Variants in ARMC2 observed in about 807,000 individuals in gnomAD.
ARMC2 encodes the protein armadillo repeat containing 2.
ARMC2 carries 67 observed loss-of-function variants against 90.3 expected under a neutral mutation model. The observed-to-expected ratio is 0.74, with a 90% confidence interval of 0.61 to 0.91. The LOEUF (loss-of-function observed/expected upper bound fraction) is 0.91, where lower values mean the gene tolerates loss of function less well. ARMC2 is among the 40% of genes least tolerant of loss of function. ARMC2 has a pLI of 0.00. For synonymous variants in ARMC2, 393 were observed against 393.0 expected (o/e 1.00, Z 0.00); for missense variants, 920 against 1,030.9 (o/e 0.89, Z 1.47).
At chr6:108,971,877 C>T (rs558873138) in intron 17 of ARMC2, among the ~76,000 whole-genome samples, 1 of 150,220 alleles carries the variant, frequency 6.7e-6, no homozygotes, top group East Asian at 2.0e-4. Flanking sequence ...GCCGAGACTG[C>T]GCCACTGCAC....
the ARMC2 span, chr6:109,002,362 C>T: frequency 6.2e-7 from 1 of 1,603,760 alleles, no homozygotes; most frequent in Non-Finnish European, 8.5e-7. Context: ...GAAAATTACA[C>T]CATCTCAGGC....
At chr6:108,989,213 G>A in the ARMC2 span, among the ~76,000 whole-genome samples, 1 of 152,088 alleles carries the variant, frequency 6.6e-6, no homozygotes, top group Non-Finnish European at 1.5e-5. Context: ...ATATTGGCCA[G>A]GCTAGTCTAA....
chr6:108,964,229 C>T lies in ARMC2; in HGVS notation c.2202C>T (p.Cys734=), dbSNP rs767213727. 3 of 1,613,960 alleles carry T rather than the reference C, an allele frequency of 1.9e-6. No individual in the cohort carries two copies. Among genetic ancestry groups the T allele is most frequent in the South Asian group, 1.1e-5 (1 of 91,078 alleles). The part of the protein sequence containing the change: ...ALLDAQHQDI[C]FSACGVLLNL... ...TGGATGCTCAGCATCAGGATATCTG[C>T]TTTTCTGCCTGTGGTGTTCTCCTCA... The change falls in exon 16 of 18, where the codon TGC becomes TGT. Residue 734 remains cysteine, a synonymous_variant. Transcript: ENST00000392644.
intron 9 of ARMC2, among the ~76,000 whole-genome samples, chr6:108,911,379 CTG>C (rs1773407826): frequency 2.0e-5 from 3 of 152,110 alleles, no homozygotes; most frequent in Non-Finnish European, 2.9e-5. Context: ...ACATCTATAA[CTG>C]TTATAGAAAC....
At chr6:108,958,498 C>T (rs150128946) in intron 13 of ARMC2, among the ~76,000 whole-genome samples, 5 of 152,262 alleles carry the variant, frequency 3.3e-5, no homozygotes, top group Non-Finnish European at 7.4e-5. Flanking sequence ...CCATTCCTGC[C>T]GCCCAAATGT....
At chr6:108,878,343 C>G (rs1237057634) in intron 5 of ARMC2, among the ~76,000 whole-genome samples, 1 of 151,998 alleles carries the variant, frequency 6.6e-6, no homozygotes, top group Non-Finnish European at 1.5e-5. Flanking sequence ...CTGGCAGGAG[C>G]AGGGAGGGTT....
chr6:109,051,198 T>C, the ARMC2 span, among the ~76,000 whole-genome samples: 6 of 152,120 alleles, frequency 3.9e-5, no homozygotes, highest in African/African-American at 1.4e-4. Context: ...AGTTTCATGA[T>C]GGTTTAAAAC....
At chr6:109,036,611 T>C in the ARMC2 span, among the ~76,000 whole-genome samples, 8 of 152,214 alleles carry the variant, frequency 5.3e-5, no homozygotes, top group African/African-American at 2.4e-5. Context: ...TACACTATAA[T>C]ATGATATGAT....
At chr6:108,892,132 A>G (rs1771137397) in intron 5 of ARMC2, among the ~76,000 whole-genome samples, 1 of 152,146 alleles carries the variant, frequency 6.6e-6, no homozygotes, top group African/African-American at 2.4e-5. Flanking sequence ...ATAGTTGTGT[A>G]GGGCAGGTGT....
chr6:108,952,134 A>G (rs1015817987), intron 12 of ARMC2, among the ~76,000 whole-genome samples: 1 of 152,176 alleles, frequency 6.6e-6, no homozygotes, highest in African/African-American at 2.4e-5. Flanking sequence ...TAGCCCTCCA[A>G]TGAGTATTCC....
downstream of ARMC2, among the ~76,000 whole-genome samples, chr6:108,976,449 G>C (rs1432606392): frequency 6.6e-6 from 1 of 152,112 alleles, no homozygotes; most frequent in Non-Finnish European, 1.5e-5. Flanking sequence ...GATGCCTCCA[G>C]CTTTGTTCTT....
intron 6 of ARMC2, among the ~76,000 whole-genome samples, chr6:108,895,482 C>CA (rs58785510): frequency 0.72 from 71,589 of 100,062 alleles, 25,588 homozygotes; most frequent in Middle Eastern, 0.83. Context: ...AGACTCATCT[C>CA]AAAAAAAAAA....
At chr6:108,850,932 T>C (rs1377621165) in intron 1 of ARMC2, among the ~76,000 whole-genome samples, 1 of 152,130 alleles carries the variant, frequency 6.6e-6, no homozygotes, top group Non-Finnish European at 1.5e-5. Flanking sequence ...GGGAGAGGCA[T>C]GTCCAGGAAA....
intron 11 of ARMC2, among the ~76,000 whole-genome samples, chr6:108,936,648 T>C (rs912212490): frequency 6.6e-6 from 1 of 152,174 alleles, no homozygotes; most frequent in Non-Finnish European, 1.5e-5. Context: ...TAAGTTTGTG[T>C]TTTCTGAATT....
chr6:108,988,850 G>A, the ARMC2 span, among the ~76,000 whole-genome samples: 2 of 152,130 alleles, frequency 1.3e-5, no homozygotes, highest in Non-Finnish European at 2.9e-5. Context: ...GAATAAGTGA[G>A]TATAAAGGGA....
At chr6:108,993,077 G>A in the ARMC2 span, 1 of 534,146 alleles carries the variant, frequency 1.9e-6, no homozygotes, top group Non-Finnish European at 3.3e-6. Flanking sequence ...TGTAGTAAAA[G>A]GAGATTTTCT....
Position 108,950,217 on chromosome 6 carries a change from C to CA in ARMC2, c.1597-2808dup, listed in dbSNP as rs994788233. ...CAATACTCTGTCTCAAAAACAAAAA[C>CA]AAAAAAAACAAACAAACTTAGAACC... is the stretch of plus-strand genomic sequence containing the variant. On this transcript the variant is annotated intron_variant, in intron 12 of 17. Coordinates refer to ENST00000392644, the MANE Select transcript of ARMC2 (RefSeq NM_032131.6). 7.3e-4 allele frequency among the ~76,000 whole-genome samples: 111 copies of CA among 151,612 alleles called. No homozygotes were observed. In the Middle Eastern group the frequency reaches 0.01, roughly 14 times the overall value.
At chr6:108,983,355 C>G in the ARMC2 span, among the ~76,000 whole-genome samples, 6 of 152,132 alleles carry the variant, frequency 3.9e-5, no homozygotes, top group African/African-American at 1.2e-4. Flanking sequence ...ATTGCCAAAT[C>G]CAATGTTGTG....
the ARMC2 span, chr6:109,002,365 T>C: frequency 6.2e-7 from 1 of 1,602,834 alleles, no homozygotes; most frequent in African/African-American, 1.3e-5. Flanking sequence ...AATTACACCA[T>C]CTCAGGCCTT....
Sources: allele counts gnomAD v4.1 joint callset (sites outside exome capture counted in the v4.1 genomes callset), GRCh38; gene constraint gnomAD v4.1.1; transcripts MANE v1.5; gene names NCBI Gene and HGNC (gene_info 2026-07-23, HGNC 2026-07-21).